CMKLR1: variants seen among roughly 807,000 people sequenced by gnomAD.
The protein encoded by CMKLR1 is chemerin chemokine-like receptor 1, also known as chemerin-like receptor 1.
Under a neutral mutation model 8.2 loss-of-function variants are expected in CMKLR1, and 6 were observed. That is an observed-to-expected ratio of 0.73 (90% CI 0.40 to 1.44). The LOEUF (loss-of-function observed/expected upper bound fraction) is 1.44. CMKLR1 is among the 40% of genes most tolerant of loss of function. CMKLR1 has a pLI of 0.02. For synonymous variants in CMKLR1, 178 were observed against 181.2 expected (o/e 0.98, Z 0.14); for missense variants, 429 against 478.0 (o/e 0.90, Z 0.96).
At position 108,306,058 on chromosome 12, in the gene CMKLR1, G is replaced by A. The variant is rs567704132; in HGVS notation, c.-73-12394C>T. 5.9e-5 allele frequency among the ~76,000 whole-genome samples: 9 copies of A among 152,210 alleles called. No homozygotes were observed. In the South Asian group the frequency reaches 1.9e-3, roughly 32 times the overall value. Reference sequence around the variant, plus strand: ...CTTAAAAGCGTTTCCTTCCTCTCCGGGGATCTCTGTCTCCAGATCCCTGTC... The same window carrying A: ...CTTAAAAGCGTTTCCTTCCTCTCCGAGGATCTCTGTCTCCAGATCCCTGTC... On this transcript the variant is annotated intron_variant, in intron 2 of 3. Transcript: ENST00000550402.
chr12:108,299,942 T>C (rs1319826150), intron 2 of CMKLR1, among the ~76,000 whole-genome samples: 1 of 152,218 alleles, frequency 6.6e-6, no homozygotes, highest in African/African-American at 2.4e-5. Flanking sequence ...TTCTGGCTCC[T>C]ACAGCGTCCT....
intron 2 of CMKLR1, among the ~76,000 whole-genome samples, chr12:108,308,726 C>G (rs148684619): frequency 1.5e-4 from 23 of 152,286 alleles, no homozygotes; most frequent in African/African-American, 5.3e-4. Flanking sequence ...GAGAAGCTTC[C>G]GACAAGACAA....
At chr12:108,317,960 G>T (rs1891772727) in intron 2 of CMKLR1, 1 of 152,176 alleles carries the variant, frequency 6.6e-6, no homozygotes, top group Admixed American at 6.5e-5. Context: ...ATAAACGGAA[G>T]TATACTAAAC....
In CMKLR1 at chr12:108,292,376, G is replaced by A. The variant is rs1350208182; in HGVS notation, c.587C>T (p.Ser196Phe). Reference protein sequence around the residue: ...KISCFNNFSLSTPGSSSWPTH... With the variant: ...KISCFNNFSLFTPGSSSWPTH... ...GGGCCACGAGGAAGACCCAGGTGTGGACAGGCTGAAGTTGTTGAAGCAGGA... is the reference window on the plus strand; with the variant it reads ...GGGCCACGAGGAAGACCCAGGTGTGAACAGGCTGAAGTTGTTGAAGCAGGA... Residue 196 changes from serine to phenylalanine, a missense_variant, in exon 4 of 4, where the codon TCC becomes TTC. Physicochemically the swap from Ser to Phe is radical, Grantham distance 155. Transcript: ENST00000550402. 6.8e-6 allele frequency: 11 copies of A among 1,614,174 alleles called. No homozygotes were observed. The highest frequency in any genetic ancestry group is 1.3e-5 in the African/African-American group (1 of 75,044).
At chr12:108,296,144 C>T (rs558740326) in intron 2 of CMKLR1, among the ~76,000 whole-genome samples, 128 of 152,270 alleles carry the variant, frequency 8.4e-4, no homozygotes, top group Non-Finnish European at 1.2e-3. Flanking sequence ...CACATTTCTG[C>T]TACCAAACCA....
chr12:108,336,816 G>A (rs1434083496), intron 1 of CMKLR1, among the ~76,000 whole-genome samples: 4 of 152,218 alleles, frequency 2.6e-5, no homozygotes, highest in Admixed American at 2.0e-4. Context: ...CAGTGGAATA[G>A]AAATGATCAT....
intron 2 of CMKLR1, among the ~76,000 whole-genome samples, chr12:108,305,887 G>A (rs920138618): frequency 6.6e-6 from 1 of 152,128 alleles, no homozygotes; most frequent in African/African-American, 2.4e-5. Flanking sequence ...CAAAAACAAG[G>A]AGCTTATGCC....
chr12:108,309,730 T>G (rs1245685822), intron 2 of CMKLR1, among the ~76,000 whole-genome samples: 3 of 152,156 alleles, frequency 2.0e-5, no homozygotes. Context: ...GGGCTTGCAT[T>G]ACAGAACAGG....
At chr12:108,338,157 C>G (rs1360154548) in intron 1 of CMKLR1, among the ~76,000 whole-genome samples, 3 of 152,070 alleles carry the variant, frequency 2.0e-5, no homozygotes, top group Non-Finnish European at 4.4e-5. Context: ...GCTGGCTTGC[C>G]CATTTAAAAT....
Position 108,292,770 on chromosome 12 carries a change from C to A in CMKLR1, c.193G>T (p.Ala65Ser). The change falls in exon 4 of 4, where the codon GCC becomes TCC. Residue 65 changes from alanine (A) to serine (S), a missense_variant. Ala to Ser is a moderately conservative substitution (Grantham distance 99). Coordinates refer to ENST00000550402, the MANE Select transcript of CMKLR1 (RefSeq NM_001142343.2). The part of the protein sequence containing the change: ...ILGNGLVIII[A>S]TFKMKKTVNM... Reference sequence around the variant, plus strand: ...ACTGTCTTCTTCATCTTGAAGGTGGCAATGATGATCACCAGACCATTGCCC... The same window carrying A: ...ACTGTCTTCTTCATCTTGAAGGTGGAAATGATGATCACCAGACCATTGCCC... 1 of 1,614,156 alleles carries A rather than the reference C, an allele frequency of 6.2e-7. No individual in the cohort carries two copies. Among genetic ancestry groups the A allele is most frequent in the Non-Finnish European group, 8.5e-7 (1 of 1,180,030 alleles).
At chr12:108,303,079 C>T (rs888043774) in intron 2 of CMKLR1, among the ~76,000 whole-genome samples, 2 of 152,010 alleles carry the variant, frequency 1.3e-5, no homozygotes, top group East Asian at 3.9e-4. Flanking sequence ...AATCCCTGAC[C>T]GAGCCACAGT....
chr12:108,333,785 C>T (rs144556577), intron 1 of CMKLR1, among the ~76,000 whole-genome samples: 108 of 152,344 alleles, frequency 7.1e-4, no homozygotes, highest in African/African-American at 2.4e-3. Context: ...GATAGCACCA[C>T]GTAGAATTAC....
intron 1 of CMKLR1, among the ~76,000 whole-genome samples, chr12:108,338,363 G>C (rs1370106571): frequency 6.6e-6 from 1 of 152,170 alleles, no homozygotes; most frequent in African/African-American, 2.4e-5. Flanking sequence ...GTTTATAAAA[G>C]AGAATCAACA....
intron 2 of CMKLR1, among the ~76,000 whole-genome samples, chr12:108,304,099 G>A (rs770453812): frequency 3.9e-5 from 6 of 152,208 alleles, no homozygotes; most frequent in Non-Finnish European, 7.3e-5. Context: ...GTTGATCGAT[G>A]ACAGTGTTAA....
At chr12:108,336,124 T>C (rs1006851812) in intron 1 of CMKLR1, among the ~76,000 whole-genome samples, 6 of 152,168 alleles carry the variant, frequency 3.9e-5, no homozygotes, top group Non-Finnish European at 8.8e-5. Context: ...AGGAAAGACT[T>C]TTAAGCACTC....
At position 108,292,088 on chromosome 12, in the gene CMKLR1, G is replaced by A; in HGVS notation, c.875C>T (p.Ser292Phe). 1 of 1,614,228 alleles carries A rather than the reference G, an allele frequency of 6.2e-7. No homozygotes were observed. Among genetic ancestry groups the A allele is most frequent in the Non-Finnish European group, 8.5e-7 (1 of 1,180,030 alleles). Reference sequence around the variant, plus strand: ...CAGGGGCAAACCCAGGCTGAAGACAGAGCCAGGCATGGCAGTGTGGTGGAG... The same window carrying A: ...CAGGGGCAAACCCAGGCTGAAGACAAAGCCAGGCATGGCAGTGTGGTGGAG... The part of the protein sequence containing the change: ...LELHHTAMPG[S>F]VFSLGLPLAT... The change falls in exon 4 of 4, where the codon TCT (serine) becomes TTT (phenylalanine). Residue 292 changes from serine (S) to phenylalanine (F), a missense_variant. Coordinates refer to ENST00000550402, the MANE Select transcript of CMKLR1 (RefSeq NM_001142343.2).
chr12:108,293,539 G>T, intron 3 of CMKLR1, 50 bp downstream of exon 3: 1 of 1,549,662 alleles, frequency 6.5e-7, no homozygotes. Flanking sequence ...CACCCAATCT[G>T]TCAGTGGTCA....
chr12:108,337,417 G>T (rs993680580), intron 1 of CMKLR1, among the ~76,000 whole-genome samples: 1 of 152,172 alleles, frequency 6.6e-6, no homozygotes, highest in South Asian at 2.1e-4. Context: ...CATGAACAAT[G>T]ACCCTAATAT....
chr12:108,307,369 C>A (rs117441009), intron 2 of CMKLR1, among the ~76,000 whole-genome samples: 1 of 152,074 alleles, frequency 6.6e-6, no homozygotes, highest in East Asian at 1.9e-4. Flanking sequence ...TCCAGAAGCG[C>A]CCCCTGAGAA....
Sources: gnomAD v4.1 joint callset for allele counts (sites outside exome capture counted in the v4.1 genomes callset) on GRCh38, gnomAD v4.1.1 for gene constraint, MANE v1.5 for transcripts, NCBI Gene and HGNC (gene_info 2026-07-23, HGNC 2026-07-21) for gene names.